Variants in USP45 observed in about 807,000 individuals in gnomAD.
The protein encoded by USP45 is ubiquitin carboxyl-terminal hydrolase 45.
In USP45, 89 loss-of-function variants were observed where a neutral mutation model predicts 95.8. The observed-to-expected ratio is 0.93, with a 90% CI of 0.78 to 1.11. USP45 has a LOEUF of 1.11. Ranked by LOEUF, USP45 falls within the 50% of genes least tolerant of loss-of-function variation. The pLI is 0.00. For synonymous variants in USP45, 281 were observed against 316.2 expected, an observed-to-expected ratio of 0.89 and a Z score of 1.18; for missense variants, 898 against 942.5, an observed-to-expected ratio of 0.95 and a Z score of 0.62.
At chr6:99,448,219 G>A (rs1264907042) in intron 13 of USP45, among the ~76,000 whole-genome samples, 1 of 152,194 alleles carries the variant, frequency 6.6e-6, no homozygotes, top group Non-Finnish European at 1.5e-5. Context: ...GAGAGAAGAA[G>A]GCTTCAGATG....
In USP45 at chr6:99,488,273, A is replaced by G; in HGVS notation, c.641T>C (p.Leu214Pro). ...VMQNLAQTYTLTDLMNEIKES... is the reference protein window; with the variant it reads ...VMQNLAQTYTPTDLMNEIKES... The stretch of plus-strand genomic sequence containing the variant: ...TTTGATCTCATTCATCAGATCAGTA[A>G]GAGTATAAGTCTGTGCCAAGTTCTA... The change falls in exon 7 of 18, where the codon CTT becomes CCT. Residue 214 changes from leucine to proline, a missense_variant. By Grantham distance (98) the Leu-to-Pro change is moderately conservative (BLOSUM62 -3). Coordinates refer to ENST00000500704, the MANE Select transcript of USP45 (RefSeq NM_001346022.3). 1.2e-6 allele frequency: 2 copies of G among 1,611,382 alleles called. No homozygotes were observed. The highest frequency in any genetic ancestry group is 1.7e-6 in the Non-Finnish European group (2 of 1,179,114).
At chr6:99,443,235 CTG>C (rs1781852068) in intron 15 of USP45, among the ~76,000 whole-genome samples, 1 of 152,092 alleles carries the variant, frequency 6.6e-6, no homozygotes, top group Non-Finnish European at 1.5e-5. Flanking sequence ...TCTCGAACTC[CTG>C]ACCTCAGGTG....
chr6:99,507,354 T>A, intron 4 of USP45, 74 bp downstream of exon 4: 2 of 748,662 alleles, frequency 2.7e-6, no homozygotes, highest in East Asian at 5.5e-5. Flanking sequence ...ATATTTTACC[T>A]TAAAAGCTTA....
intron 4 of USP45, among the ~76,000 whole-genome samples, chr6:99,505,346 G>C (rs554997650): frequency 6.6e-6 from 1 of 152,024 alleles, no homozygotes; most frequent in Non-Finnish European, 1.5e-5. Context: ...ACATGTGTTG[G>C]AAAGTGTTCA....
Position 99,496,067 on chromosome 6 carries a change from C to T in USP45, c.479-7247G>A, listed in dbSNP as rs940062800. Among the ~76,000 whole-genome samples the T allele has an allele frequency of 6.6e-5, 10 of 152,044 alleles. 1 individual carries two copies. The highest frequency in any genetic ancestry group is 2.2e-4 in the African/African-American group (9 of 41,398). On this transcript the variant is annotated intron_variant, in intron 5 of 17. Transcript: ENST00000500704. ...TAGCCCCTTGTATACACTGAAACAA[C>T]GATTTTTAGTGCTTATTTTTGAAAA...
intron 9 of USP45, among the ~76,000 whole-genome samples, chr6:99,469,912 C>T (rs1788970073): frequency 6.6e-6 from 1 of 151,880 alleles, no homozygotes; most frequent in African/African-American, 2.4e-5. Context: ...GAAAAGATCA[C>T]TATGATATAT....
rs551081379 is a variant in USP45, at chr6:99,475,885, C to T, written c.933+258G>A. On this transcript the variant is annotated intron_variant, in intron 9 of 17. Coordinates refer to ENST00000500704, the MANE Select transcript of USP45 (RefSeq NM_001346022.3). ...CACCCAGGCTGGAGTAGTGCAGTAG[C>T]GGGATCTCCGCTCACTGCAACCTCT... Among the ~76,000 whole-genome samples the T allele has an allele frequency of 8.5e-5, 13 of 152,174 alleles. No individual in the cohort carries two copies. The South Asian group carries it at 2.5e-3, about 29-fold the overall frequency.
chr6:99,451,921 C>A (rs7764482), intron 13 of USP45, among the ~76,000 whole-genome samples: 68,080 of 151,336 alleles, frequency 0.45, 16,165 homozygotes, highest in Non-Finnish European at 0.53. Flanking sequence ...GAAAAACAAG[C>A]AATGGGGAAA....
intron 16 of USP45, among the ~76,000 whole-genome samples, chr6:99,438,080 C>A (rs895613447): frequency 2.6e-5 from 4 of 152,220 alleles, no homozygotes; most frequent in Non-Finnish European, 5.9e-5. Context: ...ACATGTACCA[C>A]ACTATTAATT....
chr6:99,469,962 T>C (rs1788988553), intron 9 of USP45, among the ~76,000 whole-genome samples: 1 of 152,106 alleles, frequency 6.6e-6, no homozygotes, highest in South Asian at 2.1e-4. Context: ...ATATATGGTA[T>C]ATGCCACCTT....
intron 7 of USP45, 74 bp from the exon 8 acceptor site, chr6:99,482,957 A>G: frequency 7.8e-7 from 1 of 1,288,288 alleles, no homozygotes; most frequent in Non-Finnish European, 1.0e-6. Flanking sequence ...TGTGAGTTAC[A>G]CTCTGCTTAA....
At chr6:99,490,123 T>C (rs1275578040) in intron 5 of USP45, among the ~76,000 whole-genome samples, 2 of 152,142 alleles carry the variant, frequency 1.3e-5, no homozygotes, top group Non-Finnish European at 2.9e-5. Context: ...TGAAATGCTT[T>C]AGTTTTAACT....
intron 14 of USP45, among the ~76,000 whole-genome samples, chr6:99,444,111 A>G (rs769318076): frequency 6.6e-6 from 1 of 152,054 alleles, no homozygotes; most frequent in Non-Finnish European, 1.5e-5. Context: ...TCCCAGGCAC[A>G]AGCAATCCTC....
intron 8 of USP45, among the ~76,000 whole-genome samples, chr6:99,478,492 A>T (rs1744872871): frequency 6.6e-6 from 1 of 152,174 alleles, no homozygotes; most frequent in South Asian, 2.1e-4. Context: ...TCAAGGCATG[A>T]GAGAAAAATA....
At chr6:99,510,083 T>C in intron 2 of USP45, 38 bp downstream of exon 2, 2 of 1,470,064 alleles carry the variant, frequency 1.4e-6, no homozygotes, top group Non-Finnish European at 1.9e-6. Context: ...TGTTATTTCT[T>C]CTCAACACTA....
At chr6:99,513,706 G>C (rs1007554699) in intron 1 of USP45, among the ~76,000 whole-genome samples, 3 of 152,264 alleles carry the variant, frequency 2.0e-5, no homozygotes, top group Non-Finnish European at 4.4e-5. Flanking sequence ...GTAATGTAGA[G>C]GCAATTTCTG....
intron 1 of USP45, among the ~76,000 whole-genome samples, chr6:99,513,017 G>T (rs1011664313): frequency 6.6e-6 from 1 of 152,138 alleles, no homozygotes; most frequent in Non-Finnish European, 1.5e-5. Flanking sequence ...AAGTGGAAAT[G>T]GCAAATGGAG....
chr6:99,482,172 T>A (rs1792597975), intron 8 of USP45: 1 of 152,206 alleles, frequency 6.6e-6, no homozygotes, highest in Admixed American at 6.5e-5. Flanking sequence ...TGACGCAATA[T>A]ATGTTGTGTA....
chr6:99,501,933 T>C (rs1048557425), intron 5 of USP45: 3 of 1,298,808 alleles, frequency 2.3e-6, no homozygotes, highest in Non-Finnish European at 3.0e-6. Context: ...CATTTGACAG[T>C]TTATATCAAC....
Sources: allele counts gnomAD v4.1 joint callset (sites outside exome capture counted in the v4.1 genomes callset), GRCh38; gene constraint gnomAD v4.1.1; transcripts MANE v1.5; gene names NCBI Gene and HGNC (gene_info 2026-07-23, HGNC 2026-07-21).